Variants in TRPC5 observed in about 807,000 individuals in gnomAD.
The protein encoded by TRPC5 is transient receptor potential cation channel subfamily C member 5.
In TRPC5, 9 loss-of-function variants were observed where a neutral mutation model predicts 56.5. The observed-to-expected ratio is 0.16, with a 90% CI of 0.10 to 0.28. The LOEUF (loss-of-function observed/expected upper bound fraction) is 0.28, where lower values mean the gene tolerates loss of function less well. Among genes scored for constraint, TRPC5 ranks in the 10% least tolerant of loss-of-function variants. TRPC5 has a pLI of 1.00. For synonymous variants in TRPC5, 282 were observed against 278.5 expected (o/e 1.01, Z -0.13); for missense variants, 469 against 748.9 (o/e 0.63, Z 4.36).
chrX:111,917,252 C>T lies in TRPC5; in HGVS notation c.379-4440G>A, dbSNP rs767678350. Among the ~76,000 whole-genome samples, 190 of 112,363 alleles carry T rather than the reference C, an allele frequency of 1.7e-3. 1 individual carries two copies. The Middle Eastern group carries it at 0.028, about 16-fold the overall frequency. On this transcript the variant is annotated intron_variant, in intron 2 of 10. Coordinates refer to ENST00000262839, the MANE Select transcript of TRPC5 (RefSeq NM_012471.3). Reference sequence around the variant, plus strand: ...GAGTTGGGAAGAGGAGCAGATAACCCGCTCTCGCCAGCTGGTGCAAGCCAG... The same window carrying T: ...GAGTTGGGAAGAGGAGCAGATAACCTGCTCTCGCCAGCTGGTGCAAGCCAG...
At chrX:111,856,680 G>A (rs1248130291) in intron 3 of TRPC5, among the ~76,000 whole-genome samples, 1 of 108,038 alleles carries the variant, frequency 9.3e-6, no homozygotes, top group Non-Finnish European at 1.9e-5. Context: ...GCTGGGCATG[G>A]TGGTGTGCGC....
intron 3 of TRPC5, among the ~76,000 whole-genome samples, chrX:111,881,694 T>G (rs1199416422): frequency 9.0e-6 from 1 of 110,999 alleles, no homozygotes; most frequent in Non-Finnish European, 1.9e-5. Context: ...GCAGTCTGTT[T>G]CCTGTCGCAG....
At chrX:111,870,414 T>C (rs1603065823) in intron 3 of TRPC5, among the ~76,000 whole-genome samples, 1 of 112,370 alleles carries the variant, frequency 8.9e-6, no homozygotes, top group African/African-American at 3.2e-5. Flanking sequence ...TGTTTTAGTA[T>C]AACTAAATGC....
chrX:111,851,579 G>T (rs745872874), intron 5 of TRPC5, among the ~76,000 whole-genome samples: 1 of 109,626 alleles, frequency 9.1e-6, no homozygotes, highest in South Asian at 4.0e-4. Flanking sequence ...AGCACAGGTT[G>T]GGTGATACTA....
At chrX:111,885,391 G>A (rs1924433124) in intron 3 of TRPC5, among the ~76,000 whole-genome samples, 1 of 111,365 alleles carries the variant, frequency 9.0e-6, no homozygotes, top group Admixed American at 9.6e-5. Context: ...GTCTAGTGAG[G>A]ACATTGGCCT....
intron 7 of TRPC5, among the ~76,000 whole-genome samples, chrX:111,795,949 A>G (rs1003711362): frequency 3.7e-5 from 4 of 109,339 alleles, no homozygotes; most frequent in East Asian, 2.9e-4. Flanking sequence ...TCCATTATGT[A>G]TATGTTGGTA....
intron 7 of TRPC5, among the ~76,000 whole-genome samples, chrX:111,799,439 AGTG>A (rs1921231111): frequency 9.0e-6 from 1 of 111,500 alleles, no homozygotes; most frequent in African/African-American, 3.3e-5. Context: ...AAGACATCAA[AGTG>A]GTCTACTTGA....
intron 1 of TRPC5, among the ~76,000 whole-genome samples, chrX:112,010,828 T>G (rs1928972910): frequency 9.0e-6 from 1 of 111,670 alleles, no homozygotes; most frequent in Non-Finnish European, 1.9e-5. Flanking sequence ...TGAGTTGATA[T>G]GTGTGTAGTG....
At chrX:111,896,536 G>A (rs1000755772) in intron 3 of TRPC5, 3 of 110,853 alleles carry the variant, frequency 2.7e-5, no homozygotes, top group African/African-American at 9.8e-5. Context: ...CAGTAGGTCA[G>A]TGGAAAGATA....
At chrX:111,956,551 T>C (rs1927240960) in intron 1 of TRPC5, among the ~76,000 whole-genome samples, 1 of 111,128 alleles carries the variant, frequency 9.0e-6, no homozygotes, top group East Asian at 2.8e-4. Flanking sequence ...ACAGGGACCT[T>C]GAATGAGCAG....
intron 6 of TRPC5, among the ~76,000 whole-genome samples, chrX:111,841,264 T>C (rs777541130): frequency 3.6e-4 from 40 of 112,262 alleles, no homozygotes; most frequent in Non-Finnish European, 6.8e-4. Context: ...TCTGTCCTTT[T>C]TCGCTTTTCG....
In TRPC5 at chrX:111,877,411, T is replaced by C. The variant is rs1053284693; in HGVS notation, c.901-23305A>G. Reference sequence around the variant, plus strand: ...GTTCATTTTAGTTGTGGTGACTTAGTGTTCTGGTTTGCTTGGGGTTGAGGG... The same window carrying C: ...GTTCATTTTAGTTGTGGTGACTTAGCGTTCTGGTTTGCTTGGGGTTGAGGG... On this transcript the variant is annotated intron_variant, in intron 3 of 10. Coordinates refer to ENST00000262839, the MANE Select transcript of TRPC5 (RefSeq NM_012471.3). Among the ~76,000 whole-genome samples the C allele has an allele frequency of 4.5e-5, 5 of 111,157 alleles. No individual in the cohort carries two copies. In the Admixed American group the frequency reaches 4.8e-4, roughly 11 times the overall value.
intron 1 of TRPC5, among the ~76,000 whole-genome samples, chrX:112,004,933 G>A (rs1928794427): frequency 9.0e-6 from 1 of 111,196 alleles, no homozygotes; most frequent in African/African-American, 3.3e-5. Flanking sequence ...TGGACACCAG[G>A]AAATTGGTTA....
Position 111,829,779 on chromosome X carries a change from A to T in TRPC5, c.1896+5142T>A, listed in dbSNP as rs111715075. On this transcript the variant is annotated intron_variant, in intron 7 of 10. Coordinates refer to ENST00000262839, the MANE Select transcript of TRPC5 (RefSeq NM_012471.3). ...TTCAGATGATGCATGGAAATGCCTGAATGTCCAGGCAGAGGTGTGCTGCAG... is the reference window on the plus strand; with the variant it reads ...TTCAGATGATGCATGGAAATGCCTGTATGTCCAGGCAGAGGTGTGCTGCAG... 2.7e-3 allele frequency among the ~76,000 whole-genome samples: 300 copies of T among 113,179 alleles called. 2 individuals carry two copies. The highest frequency in any genetic ancestry group is 9.3e-3 in the African/African-American group (289 of 31,240).
intron 1 of TRPC5, among the ~76,000 whole-genome samples, chrX:111,966,156 G>T (rs1381037304): frequency 9.0e-6 from 1 of 111,446 alleles, no homozygotes; most frequent in Non-Finnish European, 1.9e-5. Flanking sequence ...TATCACCACC[G>T]ATCCCAAAGA....
chrX:111,979,041 A>G (rs1372674222), intron 1 of TRPC5, among the ~76,000 whole-genome samples: 1 of 111,204 alleles, frequency 9.0e-6, no homozygotes, highest in Non-Finnish European at 1.9e-5. Flanking sequence ...CTAGTGCTAG[A>G]AGGAAATAAT....
intron 7 of TRPC5, among the ~76,000 whole-genome samples, chrX:111,793,062 AT>A (rs944538482): frequency 9.0e-6 from 1 of 111,358 alleles, no homozygotes; most frequent in Non-Finnish European, 1.9e-5. Context: ...ACAGGGAGTC[AT>A]CAATGGTAAG....
At chrX:111,833,354 G>A (rs1411796874) in intron 7 of TRPC5, among the ~76,000 whole-genome samples, 1 of 110,965 alleles carries the variant, frequency 9.0e-6, no homozygotes, top group East Asian at 2.8e-4. Flanking sequence ...GCTCAAGAGG[G>A]AAAAGTAAGT....
intron 7 of TRPC5, among the ~76,000 whole-genome samples, chrX:111,827,326 G>A (rs186036713): frequency 1.9e-4 from 21 of 110,648 alleles, no homozygotes; most frequent in Admixed American, 6.8e-4. Flanking sequence ...GATACTATGC[G>A]TATGCTGGTA....
Sources: allele counts gnomAD v4.1 joint callset (sites outside exome capture counted in the v4.1 genomes callset), GRCh38; gene constraint gnomAD v4.1.1; transcripts MANE v1.5; gene names NCBI Gene and HGNC (gene_info 2026-07-23, HGNC 2026-07-21).